ATP2B2: variants seen among roughly 807,000 people sequenced by gnomAD.
ATP2B2 encodes the protein ATPase plasma membrane Ca2+ transporting 2.
ATP2B2 carries 15 observed loss-of-function variants against 120.0 expected under a neutral mutation model. That is an observed-to-expected ratio of 0.12 (90% confidence interval 0.08 to 0.19). ATP2B2 has a LOEUF of 0.19. Among genes scored for constraint, ATP2B2 ranks in the 10% least tolerant of loss-of-function variants. ATP2B2 has a pLI of 1.00. For synonymous variants in ATP2B2, 694 were observed against 700.3 expected, an observed-to-expected ratio of 0.99 and a Z score of 0.14; for missense variants, 1,045 against 1,719.8, an observed-to-expected ratio of 0.61 and a Z score of 6.94.
chr3:10,422,584 C>T (rs1176513653), intron 2 of ATP2B2, among the ~76,000 whole-genome samples: 1 of 152,218 alleles, frequency 6.6e-6, no homozygotes, highest in Non-Finnish European at 1.5e-5. Context: ...GCATTTGTCA[C>T]CCAGCTCATT....
intron 1 of ATP2B2, among the ~76,000 whole-genome samples, chr3:10,691,555 C>T (rs1472149152): frequency 2.0e-5 from 3 of 152,218 alleles, no homozygotes; most frequent in African/African-American, 7.2e-5. Flanking sequence ...ACCCAGCTCA[C>T]GTTCACCTCT....
At chr3:10,532,387 T>C (rs1020645809) in intron 3 of ATP2B2, among the ~76,000 whole-genome samples, 1 of 152,186 alleles carries the variant, frequency 6.6e-6, no homozygotes, top group African/African-American at 2.4e-5. Flanking sequence ...TGCATCTTTG[T>C]TATTATATAA....
At chr3:10,510,049 G>A, upstream of ATP2B2, among the ~76,000 whole-genome samples, 1 of 152,232 alleles carries the variant, frequency 6.6e-6, no homozygotes, top group South Asian at 2.1e-4. Flanking sequence ...GCGGAGAGTA[G>A]GTGGCTTCCA....
chr3:10,451,443 C>T (rs1450543402), intron 1 of ATP2B2, among the ~76,000 whole-genome samples: 3 of 152,224 alleles, frequency 2.0e-5, no homozygotes, highest in Non-Finnish European at 4.4e-5. Flanking sequence ...CTTACCCCTA[C>T]CCCTGACTAC....
intron 5 of ATP2B2, among the ~76,000 whole-genome samples, chr3:10,398,406 T>G (rs2062113328): frequency 6.6e-6 from 1 of 152,246 alleles, no homozygotes. Flanking sequence ...TGGTTCAGCT[T>G]GGGCTCAGAG....
chr3:10,624,665 A>G (rs1479291582), intron 1 of ATP2B2, among the ~76,000 whole-genome samples: 1 of 152,242 alleles, frequency 6.6e-6, no homozygotes, highest in Non-Finnish European at 1.5e-5. Flanking sequence ...CCTGCTTGTC[A>G]GTCAAACATC....
chr3:10,424,270 T>C (rs2063079968), intron 2 of ATP2B2, among the ~76,000 whole-genome samples: 2 of 152,216 alleles, frequency 1.3e-5, no homozygotes, highest in African/African-American at 2.4e-5. Flanking sequence ...CTCAGGGTCA[T>C]ACGGCTAAAG....
chr3:10,565,562 T>G (rs1407362863), intron 2 of ATP2B2, among the ~76,000 whole-genome samples: 1 of 152,140 alleles, frequency 6.6e-6, no homozygotes, highest in Non-Finnish European at 1.5e-5. Context: ...CATTACATTG[T>G]TGGGCAAATT....
intron 1 of ATP2B2, among the ~76,000 whole-genome samples, chr3:10,488,001 C>A (rs1261426078): frequency 6.6e-6 from 1 of 152,038 alleles, no homozygotes. Context: ...ATTCTTCTGT[C>A]CCTCCATCCT....
At chr3:10,693,270 A>G (rs1156355008) in intron 1 of ATP2B2, among the ~76,000 whole-genome samples, 1 of 152,224 alleles carries the variant, frequency 6.6e-6, no homozygotes, top group Non-Finnish European at 1.5e-5. Context: ...CGCACATTTC[A>G]TAACTCTTAT....
At position 10,629,351 on chromosome 3, in the gene ATP2B2, A is replaced by G. The variant is rs2069798823; in HGVS notation, c.-459-9390T>C. Among the ~76,000 whole-genome samples the G allele has an allele frequency of 1.3e-5, 2 of 148,940 alleles. 1 individual carries two copies. Among genetic ancestry groups the G allele is most frequent in the South Asian group, 4.1e-4 (2 of 4,826 alleles). On this transcript the variant is annotated intron_variant, in intron 1 of 21. Coordinates refer to the ATP2B2 transcript ENST00000646379. ...ACCATGAGTATTGATCTGGGTATAT[A>G]CATTATCTGGGTACATACATTATCT...
At chr3:10,345,066 C>T (rs559111962) in intron 18 of ATP2B2, among the ~76,000 whole-genome samples, 1 of 152,340 alleles carries the variant, frequency 6.6e-6, no homozygotes, top group South Asian at 2.1e-4. Context: ...TGGCCAAGGG[C>T]CCTGCCTTCT....
At position 10,328,802 on chromosome 3, in the gene ATP2B2, G is replaced by C. The variant is rs4327369; in HGVS notation, c.*12C>G. On this transcript the variant is annotated 3_prime_UTR_variant, in exon 23 of 23. Coordinates refer to ENST00000360273, the MANE Select transcript of ATP2B2 (RefSeq NM_001001331.4). Reference sequence around the variant, plus strand: ...TCCATGAGGGCGGGCGGGCAGGCGAGAGGGTCCTCAGCTAAAGCGACGTCT... The same window carrying C: ...TCCATGAGGGCGGGCGGGCAGGCGACAGGGTCCTCAGCTAAAGCGACGTCT... 465,849 of 1,596,812 alleles carry C rather than the reference G, an allele frequency of 0.29. 75,076 individuals carry two copies. Among genetic ancestry groups the C allele is most frequent in the East Asian group, 0.62 (27,516 of 44,430 alleles).
intron 1 of ATP2B2, among the ~76,000 whole-genome samples, chr3:10,642,070 C>T (rs2070188425): frequency 6.6e-6 from 1 of 152,096 alleles, no homozygotes; most frequent in Admixed American, 6.5e-5. Flanking sequence ...CCTCATCCAC[C>T]CCTCCACCCA....
intron 3 of ATP2B2, among the ~76,000 whole-genome samples, chr3:10,518,912 C>T (rs1203369085): frequency 6.6e-6 from 1 of 152,222 alleles, no homozygotes; most frequent in Non-Finnish European, 1.5e-5. Flanking sequence ...TAAGAGCCAT[C>T]ATACTCTCCG....
chr3:10,360,144 G>C, intron 12 of ATP2B2, 21 bp from the exon 13 acceptor site: 2 of 1,568,446 alleles, frequency 1.3e-6, no homozygotes, highest in Non-Finnish European at 1.7e-6. Context: ...AGGAAGGAGC[G>C]GCTGGCACCT....
intron 8 of ATP2B2, among the ~76,000 whole-genome samples, chr3:10,381,374 C>T (rs1476954972): frequency 6.6e-6 from 1 of 152,220 alleles, no homozygotes; most frequent in Non-Finnish European, 1.5e-5. Flanking sequence ...CACCAGGGGA[C>T]TCCACTTCAA....
At chr3:10,429,127 C>T (rs571730587) in intron 2 of ATP2B2, among the ~76,000 whole-genome samples, 2 of 152,282 alleles carry the variant, frequency 1.3e-5, no homozygotes, top group South Asian at 4.2e-4. Flanking sequence ...TGCCCACCTT[C>T]TCCACTTTGC....
intron 2 of ATP2B2, among the ~76,000 whole-genome samples, chr3:10,552,156 G>C (rs1010473220): frequency 6.6e-6 from 1 of 152,246 alleles, no homozygotes; most frequent in African/African-American, 2.4e-5. Flanking sequence ...CACGGCCGCC[G>C]CCTCGGTGCC....
Sources: allele counts gnomAD v4.1 joint callset (sites outside exome capture counted in the v4.1 genomes callset), GRCh38; gene constraint gnomAD v4.1.1; transcripts MANE v1.5; gene names NCBI Gene and HGNC (gene_info 2026-07-23, HGNC 2026-07-21).